Variants in IFT43 observed in about 807,000 individuals in gnomAD.
IFT43 encodes the protein intraflagellar transport 43, also known as intraflagellar transport protein 43 homolog.
Under a neutral mutation model 32.3 loss-of-function variants are expected in IFT43, and 33 were observed. The ratio of observed to expected loss-of-function variants is 1.02; its 90% confidence interval spans 0.77 to 1.37. The LOEUF is 1.37. Among genes scored for constraint, IFT43 ranks in the 40% most tolerant of loss-of-function variants. IFT43 has a pLI of 0.00. For missense variants in IFT43, 274 were observed against 265.9 expected (o/e 1.03, Z -0.21); for synonymous variants, 93 against 98.2 (o/e 0.95, Z 0.31).
At position 75,988,736 on chromosome 14, in the gene IFT43, T is replaced by C. The variant is rs2035579252; in HGVS notation, c.55-149T>C. The C allele has an allele frequency of 4.6e-6, 5 of 1,089,524 alleles. No individual in the cohort carries two copies. The Admixed American group carries it at 9.3e-5, about 20-fold the overall frequency. 67.5% of individuals were successfully genotyped at this position (1,089,524 alleles called of 1,614,324 possible). A position where few individuals can be genotyped will look rare whatever the true frequency, so the allele number is the denominator to read the frequency against. ...GGTTTCACCGTGTTAGCCAGGATGG[T>C]CTGGATCTCCTGACCTTGTGATCTG... On this transcript the variant is annotated intron_variant, in intron 1 of 8. Transcript: ENST00000314067.
chr14:76,045,593 G>GAT (rs976587855), intron 3 of IFT43, among the ~76,000 whole-genome samples: 3 of 152,170 alleles, frequency 2.0e-5, no homozygotes, highest in Admixed American at 1.3e-4. Flanking sequence ...AGCCAGGAGG[G>GAT]ATGGAGCTCT....
intron 2 of IFT43, among the ~76,000 whole-genome samples, chr14:76,000,473 C>T (rs920784066): frequency 1.4e-4 from 22 of 151,822 alleles, no homozygotes; most frequent in Middle Eastern, 3.4e-3. Context: ...GGGGTTTCAC[C>T]GTGTTCGCCA....
chr14:75,985,956 G>A, intron 1 of IFT43, 116 bp downstream of exon 1: 1 of 1,539,030 alleles, frequency 6.5e-7, no homozygotes, highest in Non-Finnish European at 8.7e-7. Flanking sequence ...GCCGCGCCGG[G>A]TGAGGCCCAG....
At chr14:76,083,385 G>A in intron 8 of IFT43, 73 bp from the exon 9 acceptor site, 1 of 1,613,848 alleles carries the variant, frequency 6.2e-7, no homozygotes, top group East Asian at 2.2e-5. Flanking sequence ...AGGCCTGGAT[G>A]GGAGGGAGAA....
chr14:76,040,365 A>G (rs952063379), intron 3 of IFT43, among the ~76,000 whole-genome samples: 3 of 152,196 alleles, frequency 2.0e-5, no homozygotes, highest in Admixed American at 1.3e-4. Flanking sequence ...CCAGACTTCT[A>G]TTGTGTATTC....
chr14:75,995,712 A>G (rs1238942270), intron 2 of IFT43, among the ~76,000 whole-genome samples: 1 of 152,186 alleles, frequency 6.6e-6, no homozygotes, highest in Non-Finnish European at 1.5e-5. Context: ...TCTCACAAAA[A>G]TAACTCTCCT....
chr14:75,988,113 C>T (rs2035564569), intron 1 of IFT43, among the ~76,000 whole-genome samples: 1 of 152,336 alleles, frequency 6.6e-6, no homozygotes, highest in Non-Finnish European at 1.5e-5. Context: ...TTTGTAACTG[C>T]ATTTCTTTGG....
chr14:75,999,252 TATATATATATATATA>T (rs2035818512), intron 2 of IFT43, among the ~76,000 whole-genome samples: 6 of 11,452 alleles, frequency 5.2e-4, no homozygotes, highest in African/African-American at 2.3e-3. Context: ...TATATATATA[TATATATATATATATA>T]TATATGTATA....
chr14:76,037,694 T>TG (rs2036627370), intron 3 of IFT43, among the ~76,000 whole-genome samples: 1 of 147,790 alleles, frequency 6.8e-6, no homozygotes, highest in Admixed American at 6.6e-5. Flanking sequence ...ATTCTCTGTT[T>TG]TTTTTTTTTT....
At chr14:76,069,258 C>T (rs2140074314) in intron 5 of IFT43, among the ~76,000 whole-genome samples, 1 of 152,206 alleles carries the variant, frequency 6.6e-6, no homozygotes, top group South Asian at 2.1e-4. Context: ...TTCACTATCT[C>T]GAGGACAGCA....
intron 2 of IFT43, among the ~76,000 whole-genome samples, chr14:76,013,403 C>A (rs967804735): frequency 1.3e-4 from 20 of 152,212 alleles, no homozygotes; most frequent in Non-Finnish European, 1.5e-5. Context: ...TCCCTAGCAT[C>A]TGATCTGTCA....
chr14:76,067,524 C>G (rs1039092111), intron 5 of IFT43, among the ~76,000 whole-genome samples: 3 of 151,506 alleles, frequency 2.0e-5, no homozygotes, highest in East Asian at 3.9e-4. Flanking sequence ...GAGCCAAGAT[C>G]GCACTACCGC....
rs1399760549 is a variant in IFT43, at chr14:75,999,258, T to A, written c.147+10281T>A. ...ATATATATATATATATATATATATA[T>A]ATATATATATATATGTATATATATT... On this transcript the variant is annotated intron_variant, in intron 2 of 8. Transcript: ENST00000314067. Among the ~76,000 whole-genome samples the A allele has an allele frequency of 1.0e-3, 14 of 13,852 alleles. 1 individual carries two copies. The highest frequency in any genetic ancestry group is 3.7e-3 in the Admixed American group (5 of 1,334). The allele number at this position is 13,852 out of a possible 152,430, so 9.1% of individuals were successfully genotyped here.
chr14:76,030,056 A>C (rs766493217), intron 3 of IFT43, among the ~76,000 whole-genome samples: 1 of 151,070 alleles, frequency 6.6e-6, no homozygotes, highest in Non-Finnish European at 1.5e-5. Context: ...AATTTTTTTA[A>C]ATTCTTATTT....
rs571529821 is a variant in IFT43 at position 76,061,384 on chromosome 14, G to C, written c.295+2011G>C. ...GTCTGTGGATTTATAGTTTTCATCA[G>C]ATTCAGAAAATCTTAGCCAATATTT... On this transcript the variant is annotated intron_variant, in intron 5 of 8. Coordinates refer to ENST00000314067, the MANE Select transcript of IFT43 (RefSeq NM_001102564.3). Among the ~76,000 whole-genome samples the C allele has an allele frequency of 1.9e-4, 29 of 152,206 alleles. No individual in the cohort carries two copies. In the South Asian group the frequency reaches 4.8e-3, roughly 25 times the overall value.
intron 3 of IFT43, among the ~76,000 whole-genome samples, chr14:76,046,858 A>G (rs923422673): frequency 5.3e-5 from 8 of 152,200 alleles, no homozygotes; most frequent in African/African-American, 1.2e-4. Context: ...TCCTGCTGCT[A>G]TAACAAAGTA....
chr14:76,063,110 A>G lies in IFT43; in HGVS notation c.295+3737A>G, dbSNP rs146993659. Among the ~76,000 whole-genome samples the G allele has an allele frequency of 3.2e-4, 49 of 152,272 alleles. No individual in the cohort carries two copies. The East Asian group carries it at 9.4e-3, about 29-fold the overall frequency. Reference sequence around the variant, plus strand: ...AACACTAATGCCTGGTTGTTCAATAAGATCTCTACTCCAGCTGAGTGGAGC... The same window carrying G: ...AACACTAATGCCTGGTTGTTCAATAGGATCTCTACTCCAGCTGAGTGGAGC... On this transcript the variant is annotated intron_variant, in intron 5 of 8. Coordinates refer to ENST00000314067, the MANE Select transcript of IFT43 (RefSeq NM_001102564.3).
intron 5 of IFT43, among the ~76,000 whole-genome samples, chr14:76,079,624 G>A (rs543897391): frequency 2.6e-5 from 4 of 152,114 alleles, no homozygotes; most frequent in Non-Finnish European, 4.4e-5. Flanking sequence ...GTTCTTCTCC[G>A]TTTTAGCAAC....
At chr14:75,986,385 A>T in intron 1 of IFT43, 1 of 864,132 alleles carries the variant, frequency 1.2e-6, no homozygotes, top group Non-Finnish European at 1.5e-6. Context: ...TTGTAACGTG[A>T]GGGAGTGATT....
Sources: gnomAD v4.1 joint callset for allele counts (sites outside exome capture counted in the v4.1 genomes callset) on GRCh38, gnomAD v4.1.1 for gene constraint, MANE v1.5 for transcripts, NCBI Gene and HGNC (gene_info 2026-07-23, HGNC 2026-07-21) for gene names.